FOXP1: variants seen among roughly 807,000 people sequenced by gnomAD.
The protein encoded by FOXP1 is forkhead box protein P1.
Under a neutral mutation model 98.2 loss-of-function variants are expected in FOXP1, and 15 were observed. The observed-to-expected ratio is 0.15, with a 90% CI of 0.10 to 0.24. The LOEUF (loss-of-function observed/expected upper bound fraction) is 0.24, where lower values mean the gene tolerates loss of function less well. Among genes scored for constraint, FOXP1 ranks in the 10% least tolerant of loss-of-function variants. The pLI, the probability that FOXP1 is intolerant of heterozygous loss-of-function variation, is 1.00. For missense variants in FOXP1, 633 were observed against 848.5 expected (o/e 0.75, Z 3.15); for synonymous variants, 371 against 314.5 (o/e 1.18, Z -1.90).
intron 7 of FOXP1, among the ~76,000 whole-genome samples, chr3:71,090,492 A>G (rs576047362): frequency 1.3e-5 from 2 of 152,356 alleles, no homozygotes; most frequent in South Asian, 4.1e-4. Context: ...GAAGCAAGTC[A>G]ACTCTAACTA....
intron 3 of FOXP1, among the ~76,000 whole-genome samples, chr3:71,465,827 C>T (rs1362719230): frequency 6.6e-6 from 1 of 152,208 alleles, no homozygotes; most frequent in Non-Finnish European, 1.5e-5. Context: ...CTGAGCTCCG[C>T]CTCCTGTCAC....
intron 2 of FOXP1, among the ~76,000 whole-genome samples, chr3:71,531,271 G>A (rs1344757882): frequency 1.3e-5 from 2 of 152,188 alleles, no homozygotes; most frequent in Non-Finnish European, 2.9e-5. Flanking sequence ...CAAAGGTAAC[G>A]CTGCCCAAGG....
In FOXP1 at chr3:71,047,067, G is replaced by C. The variant is rs2106976268; in HGVS notation, c.539C>G (p.Ala180Gly). The C allele has an allele frequency of 6.2e-7, 1 of 1,614,068 alleles. No individual in the cohort carries two copies. The highest frequency in any genetic ancestry group is 8.5e-7 in the Non-Finnish European group (1 of 1,179,954). Residue 180 changes from alanine (A) to glycine (G), a missense_variant, in exon 10 of 21, where the codon GCT becomes GGT. Ala to Gly is a moderately conservative substitution (Grantham distance 60). This residue lies in a region of FOXP1 where 210 missense variants were observed against 270.6 expected (regional missense o/e 0.78). Coordinates refer to ENST00000649528, the MANE Select transcript of FOXP1 (RefSeq NM_001349338.3). Reference protein sequence around the residue: ...EQQQVATQQLAFQQQLLQMQQ... With the variant: ...EQQQVATQQLGFQQQLLQMQQ... ...CATCTGTAAAAGCTGCTGCTGAAAA[G>C]CCAACTGCTGGGTAGCCACCTGCTG...
chr3:70,962,149 T>TGCTATTTTTTAAATTTTCC (rs1396788089), intron 20 of FOXP1, among the ~76,000 whole-genome samples: 3 of 152,250 alleles, frequency 2.0e-5, no homozygotes, highest in Admixed American at 6.5e-5. Flanking sequence ...TCAGCAGGAA[T>TGCTATTTTTTAAATTTTCC]GCTATTTTTT....
chr3:71,089,104 G>A (rs977199887), intron 7 of FOXP1, among the ~76,000 whole-genome samples: 3 of 152,096 alleles, frequency 2.0e-5, no homozygotes, highest in Non-Finnish European at 4.4e-5. Context: ...CCCAACCTCC[G>A]AAACAAGCCC....
intron 13 of FOXP1, among the ~76,000 whole-genome samples, chr3:70,996,040 G>A (rs2041312659): frequency 2.0e-5 from 3 of 152,180 alleles, no homozygotes; most frequent in East Asian, 1.9e-4. Flanking sequence ...AGGCTGCAAT[G>A]CAATGGCGCA....
intron 7 of FOXP1, among the ~76,000 whole-genome samples, chr3:71,101,584 G>A (rs1354676050): frequency 6.6e-6 from 1 of 151,102 alleles, no homozygotes; most frequent in Non-Finnish European, 1.5e-5. Context: ...TGGAGACATG[G>A]CCACTAAATT....
chr3:71,144,597 A>G (rs1377054822), intron 6 of FOXP1, among the ~76,000 whole-genome samples: 1 of 152,192 alleles, frequency 6.6e-6, no homozygotes, highest in Non-Finnish European at 1.5e-5. Flanking sequence ...AATGACCACA[A>G]GTGTTCGGGA....
intron 11 of FOXP1, among the ~76,000 whole-genome samples, chr3:71,040,769 C>A (rs2048234929): frequency 6.6e-6 from 1 of 152,138 alleles, no homozygotes; most frequent in Non-Finnish European, 1.5e-5. Flanking sequence ...AGATCCCCCA[C>A]CTCCACCAGC....
intron 3 of FOXP1, among the ~76,000 whole-genome samples, chr3:71,403,005 T>C (rs1224098463): frequency 3.3e-5 from 5 of 152,214 alleles, no homozygotes; most frequent in Non-Finnish European, 5.9e-5. Context: ...GTTGTCTTTT[T>C]ACACATATTT....
chr3:71,095,428 G>A (rs1157730622), intron 7 of FOXP1, among the ~76,000 whole-genome samples: 1 of 152,196 alleles, frequency 6.6e-6, no homozygotes, highest in Non-Finnish European at 1.5e-5. Context: ...GTTGTAGAAT[G>A]AAGAGGATTC....
chr3:71,008,084 C>T (rs1353589877), intron 12 of FOXP1, among the ~76,000 whole-genome samples: 1 of 152,004 alleles, frequency 6.6e-6, no homozygotes, highest in Non-Finnish European at 1.5e-5. Context: ...TTTTAGTAGA[C>T]GTTATACAAG....
chr3:71,452,958 A>C (rs996055514), intron 3 of FOXP1, among the ~76,000 whole-genome samples: 1 of 152,126 alleles, frequency 6.6e-6, no homozygotes, highest in African/African-American at 2.4e-5. Flanking sequence ...AAGTCCTGAC[A>C]ACAACTGGCT....
At chr3:71,442,054 T>C (rs1440247491) in intron 3 of FOXP1, among the ~76,000 whole-genome samples, 2 of 152,180 alleles carry the variant, frequency 1.3e-5, no homozygotes, top group Non-Finnish European at 2.9e-5. Context: ...TACACAACTT[T>C]GAGAATTCCC....
At chr3:70,991,052 ATT>A (rs11373167) in intron 13 of FOXP1, among the ~76,000 whole-genome samples, 11,758 of 144,740 alleles carry the variant, frequency 0.081, 722 homozygotes, top group East Asian at 0.26. Flanking sequence ...CAACTTTCTA[ATT>A]TTTTTTTTTT....
At chr3:71,578,292 T>G (rs1404811802) in intron 2 of FOXP1, among the ~76,000 whole-genome samples, 2 of 152,204 alleles carry the variant, frequency 1.3e-5, no homozygotes, top group Non-Finnish European at 2.9e-5. Context: ...GTTAAATGAG[T>G]TTCTTTAATG....
intron 2 of FOXP1, among the ~76,000 whole-genome samples, chr3:71,525,388 CG>C (rs1348593509): frequency 1.3e-5 from 2 of 152,008 alleles, no homozygotes; most frequent in Admixed American, 6.5e-5. Flanking sequence ...TAATTTCAGA[CG>C]AAAAAAAGGC....
At chr3:71,306,551 A>C (rs1170067060) in intron 4 of FOXP1, among the ~76,000 whole-genome samples, 1 of 151,564 alleles carries the variant, frequency 6.6e-6, no homozygotes, top group African/African-American at 2.4e-5. Context: ...ACATATAAAA[A>C]TATATACACA....
intron 4 of FOXP1, among the ~76,000 whole-genome samples, chr3:71,319,275 A>AT (rs953692985): frequency 6.6e-6 from 1 of 152,050 alleles, no homozygotes; most frequent in African/African-American, 2.4e-5. Context: ...AATAAGGGTT[A>AT]TTTTTGTTGC....
Sources: allele counts gnomAD v4.1 joint callset (sites outside exome capture counted in the v4.1 genomes callset), GRCh38; gene constraint gnomAD v4.1.1; regional missense constraint gnomAD v4.1.1; transcripts MANE v1.5; gene names NCBI Gene and HGNC (gene_info 2026-07-23, HGNC 2026-07-21).